The following BTRC variants were observed in gnomAD, a reference collection of about 807,000 sequenced individuals.
BTRC encodes beta-transducin repeat containing E3 ubiquitin protein ligase.
In BTRC, 42 loss-of-function variants were observed where a neutral mutation model predicts 85.5. The observed-to-expected ratio is 0.49, with a 90% confidence interval of 0.38 to 0.64. The LOEUF (loss-of-function observed/expected upper bound fraction) is 0.64. Ranked by LOEUF, BTRC falls within the 30% of genes least tolerant of loss-of-function variation. BTRC has a pLI of 0.00. For synonymous variants in BTRC, 255 were observed against 263.3 expected, an observed-to-expected ratio of 0.97 and a Z score of 0.30; for missense variants, 594 against 743.5, an observed-to-expected ratio of 0.80 and a Z score of 2.34.
rs926159076 is a variant in BTRC at position 101,461,870 on chromosome 10, ATAAATAT to A, written c.157-110_157-104del. On this transcript the variant is annotated intron_variant, in intron 2 of 14. Coordinates refer to ENST00000370187, the MANE Select transcript of BTRC (RefSeq NM_033637.4). Reference sequence around the variant, plus strand: ...TACAAATCTTCAAGTGAATAATTGTATAAATATATGTATGTTCTAACTTACAGAATTA... The same window carrying A: ...TACAAATCTTCAAGTGAATAATTGTAATGTATGTTCTAACTTACAGAATTA... 39 of 740,962 alleles carry A rather than the reference ATAAATAT, an allele frequency of 5.3e-5. 1 individual carries two copies. The highest frequency in any genetic ancestry group is 4.1e-4 in the Middle Eastern group (1 of 2,468). 45.9% of individuals were successfully genotyped at this position (740,962 alleles called of 1,614,324 possible).
chr10:101,473,396 A>G (rs1589516957), intron 3 of BTRC, among the ~76,000 whole-genome samples: 1 of 141,216 alleles, frequency 7.1e-6, no homozygotes, highest in South Asian at 2.3e-4. Context: ...GCAACCGCCC[A>G]CCCCAGCCTC....
intron 2 of BTRC, among the ~76,000 whole-genome samples, chr10:101,446,579 C>T (rs1944832511): frequency 6.6e-6 from 1 of 152,118 alleles, no homozygotes; most frequent in Non-Finnish European, 1.5e-5. Flanking sequence ...ATTGTAAAAA[C>T]AGTTGATGCT....
At chr10:101,443,312 T>C (rs951273290) in intron 2 of BTRC, among the ~76,000 whole-genome samples, 14 of 152,208 alleles carry the variant, frequency 9.2e-5, no homozygotes, top group African/African-American at 3.1e-4. Context: ...AATTTACTGA[T>C]TTTTGTAAAA....
At chr10:101,421,266 G>C (rs1944093176) in intron 1 of BTRC, among the ~76,000 whole-genome samples, 1 of 151,824 alleles carries the variant, frequency 6.6e-6, no homozygotes. Context: ...TCTTTATTTA[G>C]TTTGTGTAGT....
chr10:101,356,058 G>A (rs1157223311), intron 1 of BTRC, among the ~76,000 whole-genome samples: 3 of 151,956 alleles, frequency 2.0e-5, no homozygotes, highest in Admixed American at 6.6e-5. Flanking sequence ...TTGCTTTGTC[G>A]CCCAGGCTGG....
Position 101,532,982 on chromosome 10 carries a change from C to T in BTRC, c.1009C>T (p.Arg337Ter). The part of the protein sequence containing the change: ...IWDKNTLECK[R>*]ILTGHTGSVL... Reference sequence around the variant, plus strand: ...GGATAAAAACACATTGGAATGCAAGCGAATTCTCACAGGCCATACAGGTTC... The same window carrying T: ...GGATAAAAACACATTGGAATGCAAGTGAATTCTCACAGGCCATACAGGTTC... The change falls in exon 9 of 15, where the codon CGA becomes TGA. Residue 337 changes from arginine (R) to a stop codon, truncating the protein, a stop_gained. Coordinates refer to ENST00000370187, the MANE Select transcript of BTRC (RefSeq NM_033637.4). LOFTEE classifies it high-confidence loss of function. The T allele has an allele frequency of 2.5e-6, 4 of 1,612,782 alleles. No homozygotes were observed. Among genetic ancestry groups the T allele is most frequent in the Non-Finnish European group, 2.5e-6 (3 of 1,179,318 alleles).
At chr10:101,410,196 C>G (rs1414854482) in intron 1 of BTRC, among the ~76,000 whole-genome samples, 1 of 152,120 alleles carries the variant, frequency 6.6e-6, no homozygotes, top group Non-Finnish European at 1.5e-5. Context: ...TGCTTCTCTC[C>G]TAATATATCT....
intron 2 of BTRC, among the ~76,000 whole-genome samples, chr10:101,440,948 T>C (rs1944663746): frequency 1.3e-5 from 2 of 152,240 alleles, no homozygotes; most frequent in South Asian, 4.1e-4. Context: ...GCTCAGAAAG[T>C]AATACCAAAA....
intron 1 of BTRC, among the ~76,000 whole-genome samples, chr10:101,389,115 GTGTGTTTTTTTT>G (rs1330210387): frequency 8.5e-5 from 3 of 35,462 alleles, no homozygotes; most frequent in African/African-American, 4.1e-4. Context: ...GATTTTTTGT[GTGTGTTTTTTTT>G]TTTTTTTTTT....
chr10:101,506,362 T>C (rs1946541640), intron 4 of BTRC, among the ~76,000 whole-genome samples: 1 of 152,232 alleles, frequency 6.6e-6, no homozygotes, highest in Non-Finnish European at 1.5e-5. Flanking sequence ...CTAAGTCCTA[T>C]AAGACCTTTC....
intron 3 of BTRC, among the ~76,000 whole-genome samples, chr10:101,470,732 T>C (rs1945502656): frequency 6.6e-6 from 1 of 152,210 alleles, no homozygotes; most frequent in South Asian, 2.1e-4. Context: ...TCTGGGAGCT[T>C]TATAAGTTTA....
At chr10:101,397,204 G>C (rs74152876) in intron 1 of BTRC, among the ~76,000 whole-genome samples, 33 of 152,290 alleles carry the variant, frequency 2.2e-4, no homozygotes, top group African/African-American at 7.0e-4. Context: ...GTATCCTTAA[G>C]AATACAATCC....
chr10:101,530,622 T>A (rs2062265844), intron 6 of BTRC, among the ~76,000 whole-genome samples: 1 of 152,216 alleles, frequency 6.6e-6, no homozygotes. Context: ...AGATGAATTC[T>A]GATTGTACAT....
At chr10:101,456,164 G>T (rs1945077048) in intron 2 of BTRC, among the ~76,000 whole-genome samples, 1 of 124,348 alleles carries the variant, frequency 8.0e-6, no homozygotes, top group Non-Finnish European at 1.9e-5. Flanking sequence ...ACGAGACTCT[G>T]TTTCAAAAAA....
chr10:101,467,542 A>G (rs888010006), intron 3 of BTRC, among the ~76,000 whole-genome samples: 2 of 152,130 alleles, frequency 1.3e-5, no homozygotes, highest in African/African-American at 4.8e-5. Flanking sequence ...TAATTGCAAT[A>G]TGACAAACTA....
At chr10:101,408,398 C>T (rs2134016575) in intron 1 of BTRC, among the ~76,000 whole-genome samples, 1 of 152,194 alleles carries the variant, frequency 6.6e-6, no homozygotes, top group South Asian at 2.1e-4. Flanking sequence ...CCTTGCCCTC[C>T]CAGCCTCAAG....
chr10:101,440,906 G>A (rs1944663104), intron 2 of BTRC, among the ~76,000 whole-genome samples: 1 of 152,168 alleles, frequency 6.6e-6, no homozygotes, highest in Non-Finnish European at 1.5e-5. Context: ...CTCCTTTGTA[G>A]CCAGATTTTT....
rs1401056869 is a variant in BTRC, at chr10:101,521,840, T to C, written c.526T>C (p.Leu176=). The change falls in exon 5 of 15, where the codon TTG becomes CTG. Residue 176 remains leucine (L), a synonymous_variant. Coordinates refer to ENST00000370187, the MANE Select transcript of BTRC (RefSeq NM_033637.4). ...CATAAACTCGTATCTTAAACCTATG[T>C]TGCAGAGAGATTTCATAACTGCTCT... ...GHINSYLKPM[L]QRDFITALPA... 1 of 1,613,432 alleles carries C rather than the reference T, an allele frequency of 6.2e-7. No individual in the cohort carries two copies. The highest frequency in any genetic ancestry group is 1.1e-5 in the South Asian group (1 of 91,066).
chr10:101,364,123 G>C (rs972316469), intron 1 of BTRC, among the ~76,000 whole-genome samples: 2 of 131,540 alleles, frequency 1.5e-5, no homozygotes, highest in African/African-American at 5.1e-5. Context: ...AGAGAAGAAT[G>C]GTAAGATGCT....
Sources: gnomAD v4.1 joint callset for allele counts (sites outside exome capture counted in the v4.1 genomes callset) on GRCh38, gnomAD v4.1.1 for gene constraint, MANE v1.5 for transcripts, NCBI Gene and HGNC (gene_info 2026-07-23, HGNC 2026-07-21) for gene names.